DLGAP2: variants seen among roughly 807,000 people sequenced by gnomAD.
DLGAP2 encodes the protein disks large-associated protein 2.
A neutral mutation model predicts 100.3 loss-of-function variants in DLGAP2; 26 were observed. That is an observed-to-expected ratio of 0.26 (90% CI 0.19 to 0.36). DLGAP2 has a LOEUF of 0.36. Ranked by LOEUF, DLGAP2 falls within the 10% of genes least tolerant of loss-of-function variation. The pLI is 1.00. For missense variants in DLGAP2, 1,858 were observed against 1,453.2 expected (o/e 1.28, Z -4.53); for synonymous variants, 886 against 630.1 (o/e 1.41, Z -6.08).
chr8:1,464,601 G>A (rs1344389181), intron 3 of DLGAP2, among the ~76,000 whole-genome samples: 1 of 149,818 alleles, frequency 6.7e-6, no homozygotes, highest in Non-Finnish European at 1.5e-5. Flanking sequence ...CCTTCCTGCT[G>A]AGCTCCCAGG....
intron 2 of DLGAP2, among the ~76,000 whole-genome samples, chr8:1,184,604 C>G (rs1797460268): frequency 6.6e-6 from 1 of 152,162 alleles, no homozygotes; most frequent in Non-Finnish European, 1.5e-5. Context: ...AGAGATTTCC[C>G]AGGCAGATGC....
At chr8:1,676,022 G>A (rs1053672137) in intron 10 of DLGAP2, among the ~76,000 whole-genome samples, 20 of 152,136 alleles carry the variant, frequency 1.3e-4, no homozygotes, top group African/African-American at 2.4e-4. Flanking sequence ...CTTAGCAGAC[G>A]TGAGACAGCT....
rs1435400369 is a variant in DLGAP2, at chr8:1,708,328, C to G, written c.*6922C>G. 6.6e-6 allele frequency: 1 copy of G among 152,098 alleles called. No homozygotes were observed. Among genetic ancestry groups the G allele is most frequent in the Non-Finnish European group, 1.5e-5 (1 of 68,016 alleles). The allele number at this position is 152,098 out of a possible 1,614,324, so 9.4% of individuals were successfully genotyped here. A position where few individuals can be genotyped will look rare whatever the true frequency, so the allele number is the denominator to read the frequency against. ...TCCGAAAAAAAATTACACTCTTCCTCCATTATATATTTCATTGTTGAAATA... is the reference window on the plus strand; with the variant it reads ...TCCGAAAAAAAATTACACTCTTCCTGCATTATATATTTCATTGTTGAAATA... On this transcript the variant is annotated 3_prime_UTR_variant, in exon 15 of 15. Transcript: ENST00000637795.
intron 1 of DLGAP2, among the ~76,000 whole-genome samples, chr8:780,827 G>A (rs1033882869): frequency 4.6e-5 from 7 of 152,144 alleles, no homozygotes; most frequent in African/African-American, 7.2e-5. Context: ...TGGTCCTTCC[G>A]CCTTCCCCAC....
intron 2 of DLGAP2, among the ~76,000 whole-genome samples, chr8:1,041,850 G>A (rs1207106039): frequency 2.0e-5 from 3 of 152,110 alleles, no homozygotes; most frequent in African/African-American, 4.8e-5. Context: ...AGCGTTCTCC[G>A]AGCCCTTTGC....
chr8:1,359,968 G>C (rs993085490), intron 3 of DLGAP2, among the ~76,000 whole-genome samples: 1 of 152,162 alleles, frequency 6.6e-6, no homozygotes, highest in African/African-American at 2.4e-5. Context: ...ACGAGTCCAC[G>C]GGTCCTGCCA....
chr8:1,249,076 A>G (rs1401557421), intron 2 of DLGAP2, among the ~76,000 whole-genome samples: 1 of 152,168 alleles, frequency 6.6e-6, no homozygotes, highest in East Asian at 1.9e-4. Context: ...GAGGCTGAGA[A>G]CACCAGAAAT....
At chr8:1,665,778 C>T (rs542616232) in intron 8 of DLGAP2, among the ~76,000 whole-genome samples, 13 of 152,230 alleles carry the variant, frequency 8.5e-5, no homozygotes, top group Non-Finnish European at 1.8e-4. Flanking sequence ...AATCTGAAGA[C>T]GTGTCATTGA....
intron 3 of DLGAP2, among the ~76,000 whole-genome samples, chr8:1,499,676 TACTTA>T (rs1379231053): frequency 3.9e-4 from 60 of 152,364 alleles, no homozygotes; most frequent in African/African-American, 1.3e-3. Context: ...TCTTGTAAGA[TACTTA>T]ACTTAATTCA....
chr8:1,483,783 G>C (rs927142537), intron 3 of DLGAP2, among the ~76,000 whole-genome samples: 1 of 152,186 alleles, frequency 6.6e-6, no homozygotes, highest in Non-Finnish European at 1.5e-5. Context: ...GGACCAGGGA[G>C]GCAGGCAGGG....
intron 2 of DLGAP2, among the ~76,000 whole-genome samples, chr8:1,108,899 A>G (rs1804865540): frequency 7.7e-6 from 1 of 129,960 alleles, no homozygotes; most frequent in Non-Finnish European, 1.6e-5. Flanking sequence ...TGAGGTGTGC[A>G]CGTGCCTATG....
intron 2 of DLGAP2, among the ~76,000 whole-genome samples, chr8:1,115,262 G>A (rs1443570591): frequency 2.0e-5 from 3 of 152,212 alleles, no homozygotes; most frequent in African/African-American, 7.2e-5. Context: ...CTCTCTCAGT[G>A]ATCTGTCTAA....
chr8:1,359,484 G>A (rs1801930400), intron 3 of DLGAP2, among the ~76,000 whole-genome samples: 1 of 152,274 alleles, frequency 6.6e-6, no homozygotes, highest in Non-Finnish European at 1.5e-5. Flanking sequence ...GTGCAGAGCT[G>A]CCACTGGCCT....
At chr8:1,139,980 G>T (rs1796493503) in intron 2 of DLGAP2, among the ~76,000 whole-genome samples, 1 of 152,208 alleles carries the variant, frequency 6.6e-6, no homozygotes, top group South Asian at 2.1e-4. Context: ...GCCTGAGCCA[G>T]CCTTGCTGCC....
At chr8:1,414,011 C>G (rs887633825) in intron 3 of DLGAP2, among the ~76,000 whole-genome samples, 3 of 152,174 alleles carry the variant, frequency 2.0e-5, no homozygotes, top group African/African-American at 7.2e-5. Context: ...AAAAGTGCAG[C>G]TCAGGGCACC....
intron 2 of DLGAP2, among the ~76,000 whole-genome samples, chr8:1,212,772 C>A (rs1252565929): frequency 9.0e-6 from 1 of 111,524 alleles, no homozygotes; most frequent in East Asian, 3.2e-4. Context: ...CCCCCCCGCC[C>A]ACCCCCCATG....
chr8:1,092,971 G>A (rs1338920910), intron 2 of DLGAP2, among the ~76,000 whole-genome samples: 4 of 152,302 alleles, frequency 2.6e-5, no homozygotes, highest in Non-Finnish European at 4.4e-5. Flanking sequence ...TCATTTCACC[G>A]GATATGGGGG....
intron 3 of DLGAP2, among the ~76,000 whole-genome samples, chr8:1,479,053 G>A (rs1230622958): frequency 1.3e-5 from 2 of 152,250 alleles, no homozygotes; most frequent in East Asian, 1.9e-4. Flanking sequence ...CCTGCTTCCA[G>A]TTGCATAGCA....
chr8:1,168,701 G>A (rs1305216227), intron 2 of DLGAP2, among the ~76,000 whole-genome samples: 2 of 144,686 alleles, frequency 1.4e-5, no homozygotes, highest in East Asian at 1.9e-4. Flanking sequence ...GTCTGTTCAT[G>A]TCCTTTGCCC....
Sources: gnomAD v4.1 joint callset for allele counts (sites outside exome capture counted in the v4.1 genomes callset) on GRCh38, gnomAD v4.1.1 for gene constraint, MANE v1.5 for transcripts, NCBI Gene and HGNC (gene_info 2026-07-23, HGNC 2026-07-21) for gene names.